Variants in APP observed in about 807,000 individuals in gnomAD.
APP encodes the protein amyloid beta precursor protein.
In APP, 31 loss-of-function variants were observed where a neutral mutation model predicts 101.4. The observed-to-expected ratio is 0.31, with a 90% CI of 0.23 to 0.41. The LOEUF (loss-of-function observed/expected upper bound fraction) is 0.41. Among genes scored for constraint, APP ranks in the 10% least tolerant of loss-of-function variants. APP has a pLI of 1.00. For missense variants in APP, 839 were observed against 1,003.7 expected (o/e 0.84, Z 2.22); for synonymous variants, 366 against 364.4 (o/e 1.00, Z -0.05).
chr21:25,932,674 C>A (rs77003439), intron 13 of APP, among the ~76,000 whole-genome samples: 1 of 151,966 alleles, frequency 6.6e-6, no homozygotes, highest in South Asian at 2.1e-4. Flanking sequence ...ATGTTATTTT[C>A]ATCTCAGCAC....
intron 3 of APP, among the ~76,000 whole-genome samples, chr21:26,055,451 G>A (rs542615622): frequency 6.6e-6 from 1 of 152,082 alleles, no homozygotes; most frequent in Admixed American, 6.5e-5. Flanking sequence ...AAAAACACAA[G>A]AAGACCTGGA....
chr21:25,886,477 T>G (rs1444706257), intron 17 of APP, among the ~76,000 whole-genome samples: 1 of 152,012 alleles, frequency 6.6e-6, no homozygotes, highest in East Asian at 1.9e-4. Flanking sequence ...CACTGCAGCC[T>G]CCATCTCCTG....
chr21:25,996,696 T>C (rs2043068715), intron 8 of APP, among the ~76,000 whole-genome samples: 1 of 152,212 alleles, frequency 6.6e-6, no homozygotes, highest in Non-Finnish European at 1.5e-5. Flanking sequence ...TTCAGAATTC[T>C]CCCTCATCAG....
At chr21:26,153,327 AACTTC>A (rs1192747353) in intron 1 of APP, among the ~76,000 whole-genome samples, 1 of 152,216 alleles carries the variant, frequency 6.6e-6, no homozygotes, top group Non-Finnish European at 1.5e-5. Flanking sequence ...TTAAGCCCTA[AACTTC>A]AGTTCCTATT....
chr21:25,969,164 C>A (rs2041908916), intron 11 of APP, among the ~76,000 whole-genome samples: 1 of 150,236 alleles, frequency 6.7e-6, no homozygotes, highest in Non-Finnish European at 1.5e-5. Context: ...ACGGTGAAAG[C>A]CCGTCTCTAC....
At chr21:26,140,275 T>G in intron 1 of APP, 2 of 1,535,710 alleles carry the variant, frequency 1.3e-6, no homozygotes, top group Middle Eastern at 1.7e-4. Flanking sequence ...CAACAAACTG[T>G]TAACTGCAGT....
intron 5 of APP, among the ~76,000 whole-genome samples, chr21:26,023,432 C>T (rs2044434655): frequency 6.7e-6 from 1 of 150,064 alleles, no homozygotes. Flanking sequence ...TCCAGCTACT[C>T]AGAAGGCTGG....
chr21:26,115,161 C>T (rs1394178011), intron 1 of APP, among the ~76,000 whole-genome samples: 1 of 152,062 alleles, frequency 6.6e-6, no homozygotes, highest in African/African-American at 2.4e-5. Context: ...AAGTGGAGAT[C>T]ATTTAATAAT....
At chr21:26,139,375 TC>T (rs985156198) in intron 1 of APP, among the ~76,000 whole-genome samples, 4 of 152,148 alleles carry the variant, frequency 2.6e-5, no homozygotes, top group African/African-American at 9.7e-5. Context: ...GGTTATTTCT[TC>T]CAAAGCTCAA....
chr21:26,094,422 A>C (rs1455598543), intron 2 of APP, among the ~76,000 whole-genome samples: 1 of 152,084 alleles, frequency 6.6e-6, no homozygotes, highest in Non-Finnish European at 1.5e-5. Context: ...CAACGAAACA[A>C]AACAAAAAAA....
intron 1 of APP, among the ~76,000 whole-genome samples, chr21:26,138,407 A>C (rs1465322894): frequency 6.6e-6 from 1 of 152,092 alleles, no homozygotes; most frequent in Admixed American, 6.6e-5. Flanking sequence ...AACTACTTAT[A>C]GAATGTCATT....
intron 13 of APP, among the ~76,000 whole-genome samples, chr21:25,914,500 C>T (rs2039241539): frequency 6.8e-6 from 1 of 146,754 alleles, no homozygotes; most frequent in Non-Finnish European, 1.5e-5. Flanking sequence ...GTGCATCTGC[C>T]ATGTGAGAAC....
chr21:25,992,633 A>G (rs1457635613), intron 8 of APP, among the ~76,000 whole-genome samples: 1 of 152,162 alleles, frequency 6.6e-6, no homozygotes, highest in Non-Finnish European at 1.5e-5. Context: ...GGTCATCTCT[A>G]ATTATTATGG....
chr21:25,943,395 G>A (rs1394786138), intron 13 of APP, among the ~76,000 whole-genome samples: 1 of 149,812 alleles, frequency 6.7e-6, no homozygotes, highest in African/African-American at 2.5e-5. Flanking sequence ...CAGGTGATCT[G>A]CCCACCTCGG....
chr21:26,066,097 C>T (rs867713336), intron 3 of APP, among the ~76,000 whole-genome samples: 5 of 152,124 alleles, frequency 3.3e-5, no homozygotes, highest in Middle Eastern at 3.2e-3. Context: ...TGGAGCAGGG[C>T]TTCTCAAGCT....
Position 26,104,885 on chromosome 21 carries a change from G to A in APP, c.225+7094C>T, listed in dbSNP as rs116410215. Reference sequence around the variant, plus strand: ...GTTCTGTTGGTTTTGTTCTATCCTAGGACCAGACTGTTAACAGCCACCTCA... The same window carrying A: ...GTTCTGTTGGTTTTGTTCTATCCTAAGACCAGACTGTTAACAGCCACCTCA... On this transcript the variant is annotated intron_variant, in intron 2 of 17. Coordinates refer to ENST00000346798, the MANE Select transcript of APP (RefSeq NM_000484.4). 8.5e-3 allele frequency among the ~76,000 whole-genome samples: 1,298 copies of A among 152,084 alleles called. 20 individuals carry two copies. Among genetic ancestry groups the A allele is most frequent in the African/African-American group, 0.028 (1,175 of 41,456 alleles).
In APP at chr21:25,911,960, C is replaced by G. The variant is rs200521782; in HGVS notation, c.1690G>C (p.Glu564Gln). 6.8e-6 allele frequency: 11 copies of G among 1,612,928 alleles called. No individual in the cohort carries two copies. The highest frequency in any genetic ancestry group is 1.3e-5 in the African/African-American group (1 of 74,904). Residue 564 changes from glutamate to glutamine, a missense_variant and splice_region_variant, in exon 14 of 18, where the codon GAG becomes CAG. Transcript: ENST00000346798. ...VAEEIQDEVD[E>Q]LLQKEQNYSD... ...TAGTTTTGCTCTTTCTGAAGCAGCT[C>G]ATCTAAACCAAACAAAACCATCTCT... is the stretch of plus-strand genomic sequence containing the variant.
intron 9 of APP, among the ~76,000 whole-genome samples, chr21:25,981,426 T>A (rs1162653058): frequency 6.6e-6 from 1 of 152,046 alleles, no homozygotes; most frequent in Non-Finnish European, 1.5e-5. Context: ...CTACTTCTTT[T>A]CCCCCCACAT....
chr21:25,941,264 T>A (rs2040565965), intron 13 of APP: 1 of 152,190 alleles, frequency 6.6e-6, no homozygotes, highest in South Asian at 2.1e-4. Flanking sequence ...GTCAGACTCA[T>A]GAAGGAGATT....
Sources: gnomAD v4.1 joint callset for allele counts (sites outside exome capture counted in the v4.1 genomes callset) on GRCh38, gnomAD v4.1.1 for gene constraint, MANE v1.5 for transcripts, NCBI Gene and HGNC (gene_info 2026-07-23, HGNC 2026-07-21) for gene names.